ZNF334: variants seen among roughly 807,000 people sequenced by gnomAD.
ZNF334 encodes the protein zinc finger protein 334.
In ZNF334, 14 loss-of-function variants were observed where a neutral mutation model predicts 12.4. That is an observed-to-expected ratio of 1.13 (90% CI 0.74 to 1.76). The LOEUF is 1.76. ZNF334 is among the 40% of genes most tolerant of loss of function. The probability of loss-of-function intolerance (pLI) is 0.00; values close to 1 mark genes in which losing one functional copy is unlikely to be tolerated. For missense variants in ZNF334, 797 were observed against 804.5 expected (o/e 0.99, Z 0.11); for synonymous variants, 273 against 269.6 (o/e 1.01, Z -0.12).
intron 2 of ZNF334, among the ~76,000 whole-genome samples, chr20:46,511,487 G>A (rs1290940029): frequency 2.0e-5 from 3 of 152,160 alleles, no homozygotes; most frequent in African/African-American, 7.2e-5. Flanking sequence ...AATGAGACAG[G>A]CACATGAAGA....
At chr20:46,488,584 C>T in the ZNF334 span, among the ~76,000 whole-genome samples, 1 of 151,622 alleles carries the variant, frequency 6.6e-6, no homozygotes, top group Admixed American at 6.6e-5. Context: ...TAAACCCATA[C>T]ATATTTACCA....
At chr20:46,469,013 G>A in the ZNF334 span, among the ~76,000 whole-genome samples, 3 of 152,114 alleles carry the variant, frequency 2.0e-5, no homozygotes, top group Admixed American at 2.0e-4. Context: ...AACAATACAC[G>A]CTGACCTGAT....
chr20:46,488,804 G>GGTT, the ZNF334 span, among the ~76,000 whole-genome samples: 7,271 of 104,050 alleles, frequency 0.07, 192 homozygotes, highest in South Asian at 0.13. Flanking sequence ...CTAGTTAATA[G>GGTT]TTTTTTTTTT....
the ZNF334 span, among the ~76,000 whole-genome samples, chr20:46,488,629 G>C: frequency 4.0e-5 from 6 of 151,346 alleles, no homozygotes; most frequent in African/African-American, 1.5e-4. Context: ...CCTTGGTGTA[G>C]GGCCAAATTC....
the ZNF334 span, among the ~76,000 whole-genome samples, chr20:46,488,701 C>T: frequency 3.3e-5 from 5 of 151,748 alleles, no homozygotes; most frequent in African/African-American, 1.2e-4. Flanking sequence ...TGTAGCGCAA[C>T]TCTGCTAGTA....
At chr20:46,464,144 C>T in the ZNF334 span, 1 of 545,536 alleles carries the variant, frequency 1.8e-6, no homozygotes, top group Non-Finnish European at 3.6e-6. Flanking sequence ...TTTCTATGGC[C>T]ATCAGGGAAT....
the ZNF334 span, chr20:46,485,108 TG>T: frequency 8.0e-4 from 134 of 167,336 alleles, no homozygotes; most frequent in African/African-American, 3.1e-3. Context: ...AACAAGCAGA[TG>T]GAAGTCATCA....
chr20:46,464,221 G>A, the ZNF334 span: 5 of 532,976 alleles, frequency 9.4e-6, no homozygotes, highest in East Asian at 4.7e-5. Flanking sequence ...ATCCCTGCAC[G>A]CCTGGCTGCT....
chr20:46,482,465 C>G, the ZNF334 span, among the ~76,000 whole-genome samples: 1 of 152,142 alleles, frequency 6.6e-6, no homozygotes, highest in Non-Finnish European at 1.5e-5. Flanking sequence ...CATTTTCATC[C>G]CTCAATCAGG....
At chr20:46,483,362 GT>G in the ZNF334 span, among the ~76,000 whole-genome samples, 1 of 151,664 alleles carries the variant, frequency 6.6e-6, no homozygotes, top group East Asian at 1.9e-4. Flanking sequence ...ACTAATTTAA[GT>G]TTTTTCTGTG....
chr20:46,477,546 A>G, the ZNF334 span, among the ~76,000 whole-genome samples: 4 of 152,214 alleles, frequency 2.6e-5, no homozygotes, highest in African/African-American at 9.6e-5. Context: ...TATGTTGCCC[A>G]GGATGGTCTC....
rs1212747900 is a variant in ZNF334, at chr20:46,504,698, C to T, written c.64G>A (p.Glu22Lys). The T allele has an allele frequency of 1.9e-6, 3 of 1,612,566 alleles. No individual in the cohort carries two copies. The South Asian group carries it at 3.3e-5, about 18-fold the overall frequency. Residue 22 changes from glutamate to lysine, a missense_variant, in exon 3 of 5, where the codon GAG becomes AAG. Coordinates refer to ENST00000692313, the MANE Select transcript of ZNF334 (RefSeq NM_001353824.2). The part of the protein sequence containing the change: ...FQDLTVNFTQ[E>K]EWQQLDPAQR... ...GCAGGGTCCAGTTGCTGCCATTCCTCTTGGGTGAAGTTCACAGTCAGGTCC... is the reference window on the plus strand; with the variant it reads ...GCAGGGTCCAGTTGCTGCCATTCCTTTTGGGTGAAGTTCACAGTCAGGTCC...
chr20:46,476,589 T>C, the ZNF334 span, among the ~76,000 whole-genome samples: 3 of 152,220 alleles, frequency 2.0e-5, no homozygotes, highest in East Asian at 5.8e-4. Flanking sequence ...CAAATGTCAA[T>C]TATACAAAAT....
At chr20:46,464,744 A>G in the ZNF334 span, 1 of 491,540 alleles carries the variant, frequency 2.0e-6, no homozygotes, top group South Asian at 1.6e-5. Flanking sequence ...TCACTGCAGA[A>G]AGGGGCAGTG....
chr20:46,501,053 G>T lies in ZNF334; in HGVS notation c.*243C>A. 1 of 451,214 alleles carries T rather than the reference G, an allele frequency of 2.2e-6. No individual in the cohort carries two copies. Among genetic ancestry groups the T allele is most frequent in the Non-Finnish European group, 3.9e-6 (1 of 258,736 alleles). 28.0% of individuals were successfully genotyped at this position (451,214 alleles called of 1,614,324 possible). ...ATTATTTTAAAAGGGAGGCACATTT[G>T]GCATAACCTTTGAATTGCTGTTGAA... On this transcript the variant is annotated 3_prime_UTR_variant, in exon 5 of 5. Transcript: ENST00000692313.
chr20:46,488,416 A>ATTTTAT, the ZNF334 span, among the ~76,000 whole-genome samples: 1 of 79,368 alleles, frequency 1.3e-5, no homozygotes, highest in Non-Finnish European at 2.4e-5. Flanking sequence ...TGTAGCTCTT[A>ATTTTAT]TTTTATATAT....
chr20:46,512,688 G>A lies in ZNF334; in HGVS notation c.-187C>T, dbSNP rs981653340. 3.9e-5 allele frequency: 6 copies of A among 152,250 alleles called. No homozygotes were observed. Among genetic ancestry groups the A allele is most frequent in the African/African-American group, 1.4e-4 (6 of 41,420 alleles). The allele number at this position is 152,250 out of a possible 1,614,324, so 9.4% of individuals were successfully genotyped here. A position where few individuals can be genotyped will look rare whatever the true frequency, so the allele number is the denominator to read the frequency against. ...GACCTTTTACTAAGAAACTTCTTGT[G>A]GTAGGTAACGTAAATGTGGTAGATG... On this transcript the variant is annotated 5_prime_UTR_variant, in exon 1 of 5. Transcript: ENST00000692313.
chr20:46,490,959 G>C, the ZNF334 span: 1 of 152,544 alleles, frequency 6.6e-6, no homozygotes, highest in African/African-American at 2.4e-5. Context: ...GATGACTGTG[G>C]CATGGCTTTT....
At position 46,512,081 on chromosome 20, in the gene ZNF334, C is replaced by G. The variant is rs771326465; in HGVS notation, c.21+1G>C. The G allele has an allele frequency of 6.8e-6, 11 of 1,613,596 alleles. No individual in the cohort carries two copies. In the East Asian group the frequency reaches 2.2e-4, roughly 33 times the overall value. Reference sequence around the variant, plus strand: ...GAGAAGTAAATCCCTGAGCAACTTACCTGAAATTTTTTCATTTTCATGTTC... The same window carrying G: ...GAGAAGTAAATCCCTGAGCAACTTAGCTGAAATTTTTTCATTTTCATGTTC... On this transcript the variant is annotated splice_donor_variant, in intron 2 of 4. Coordinates refer to ENST00000692313, the MANE Select transcript of ZNF334 (RefSeq NM_001353824.2). LOFTEE classifies it high-confidence loss of function.
Sources: allele counts gnomAD v4.1 joint callset (sites outside exome capture counted in the v4.1 genomes callset), GRCh38; gene constraint gnomAD v4.1.1; transcripts MANE v1.5; gene names NCBI Gene and HGNC (gene_info 2026-07-23, HGNC 2026-07-21).